CYP24A1: variants seen among roughly 807,000 people sequenced by gnomAD.
CYP24A1 encodes cytochrome P450 family 24 subfamily A member 1.
CYP24A1 carries 68 observed loss-of-function variants against 62.4 expected under a neutral mutation model. The observed-to-expected ratio is 1.09, with a 90% CI of 0.90 to 1.33. The LOEUF (loss-of-function observed/expected upper bound fraction) is 1.33, where lower values mean the gene tolerates loss of function less well. CYP24A1 is among the 40% of genes most tolerant of loss of function. The probability of loss-of-function intolerance (pLI) is 0.00; values close to 1 mark genes in which losing one functional copy is unlikely to be tolerated. For missense variants in CYP24A1, 787 were observed against 653.0 expected (o/e 1.21, Z -2.24); for synonymous variants, 267 against 253.0 (o/e 1.06, Z -0.52).
downstream of CYP24A1, among the ~76,000 whole-genome samples, chr20:54,151,998 T>C (rs1487782721): frequency 1.3e-5 from 2 of 152,146 alleles, no homozygotes; most frequent in Non-Finnish European, 2.9e-5. Flanking sequence ...CAATAAATAT[T>C]ATTATCATCA....
intron 3 of CYP24A1, among the ~76,000 whole-genome samples, chr20:54,171,124 T>G (rs1231695804): frequency 6.6e-6 from 1 of 152,168 alleles, no homozygotes; most frequent in African/African-American, 2.4e-5. Flanking sequence ...GCTTTCAGAC[T>G]CCTCCTGCAA....
intron 5 of CYP24A1, among the ~76,000 whole-genome samples, chr20:54,165,160 C>T (rs76151159): frequency 0.015 from 2,327 of 152,356 alleles, 24 homozygotes; most frequent in Admixed American, 0.02. Context: ...CTGTTAGGAA[C>T]GGGGCCGCGC....
At position 54,169,682 on chromosome 20, in the gene CYP24A1, C is replaced by T. The variant is rs748562543; in HGVS notation, c.550G>A (p.Ala184Thr). ...TCATCTATTCTGCCCATAAAATCGG[C>T]CAAGACCTTCAAAGAAAACAACCGC... ...KLDNKINEVLADFMGRIDELC... is the reference protein window; with the variant it reads ...KLDNKINEVLTDFMGRIDELC... Residue 184 changes from alanine (A) to threonine (T), a missense_variant, in exon 4 of 12, where the codon GCC (alanine) becomes ACC (threonine). Transcript: ENST00000216862. 3 of 1,614,054 alleles carry T rather than the reference C, an allele frequency of 1.9e-6. No individual in the cohort carries two copies. Among genetic ancestry groups the T allele is most frequent in the African/African-American group, 1.3e-5 (1 of 75,048 alleles).
intron 7 of CYP24A1, among the ~76,000 whole-genome samples, chr20:54,162,347 T>C (rs765719957): frequency 4.0e-5 from 6 of 150,244 alleles, no homozygotes; most frequent in Non-Finnish European, 7.4e-5. Flanking sequence ...TTCTGTATCT[T>C]GCCAGGGCAG....
chr20:54,149,328 C>A (rs1601115176), downstream of CYP24A1, among the ~76,000 whole-genome samples: 1 of 152,304 alleles, frequency 6.6e-6, no homozygotes, highest in East Asian at 1.9e-4. Context: ...GTAACACACG[C>A]TGCTCAGTGC....
In CYP24A1 at chr20:54,169,681, G is replaced by T; in HGVS notation, c.551C>A (p.Ala184Asp). 1.9e-6 allele frequency: 3 copies of T among 1,614,008 alleles called. No individual in the cohort carries two copies. Among genetic ancestry groups the T allele is most frequent in the Non-Finnish European group, 2.5e-6 (3 of 1,179,996 alleles). The change falls in exon 4 of 12, where the codon GCC becomes GAC. Residue 184 changes from alanine (A) to aspartate (D), a missense_variant. Ala to Asp is a moderately radical substitution (Grantham distance 126, BLOSUM62 -2). Transcript: ENST00000216862. ...KLDNKINEVL[A>D]DFMGRIDELC... ...CTCATCTATTCTGCCCATAAAATCG[G>T]CCAAGACCTTCAAAGAAAACAACCG...
Position 54,173,487 on chromosome 20 carries a change from C to T in CYP24A1, c.93G>A (p.Thr31=), listed in dbSNP as rs151204685. The T allele has an allele frequency of 2.8e-4, 432 of 1,566,414 alleles. No individual in the cohort carries two copies. The highest frequency in any genetic ancestry group is 3.5e-4 in the Non-Finnish European group (401 of 1,155,860). ...PRQPPRLVTS[T]AYTSPQPREV... Reference sequence around the variant, plus strand: ...CTCGCGGCTGAGGGGACGTGTACGCCGTAGATGTCACCAGTCTCGGGGGCT... The same window carrying T: ...CTCGCGGCTGAGGGGACGTGTACGCTGTAGATGTCACCAGTCTCGGGGGCT... Residue 31 remains threonine (T), a synonymous_variant, in exon 1 of 12, where the codon ACG becomes ACA. Coordinates refer to ENST00000216862, the MANE Select transcript of CYP24A1 (RefSeq NM_000782.5). This position sits in a 1 kb window ranked among gnomAD's most constrained non-coding sequence, Gnocchi z 7.2.
intron 4 of CYP24A1, among the ~76,000 whole-genome samples, chr20:54,166,987 C>T (rs1359177275): frequency 4.6e-5 from 7 of 151,794 alleles, no homozygotes; most frequent in African/African-American, 1.7e-4. Context: ...TGCAGTGGGC[C>T]GAGATCATAC....
intron 3 of CYP24A1, among the ~76,000 whole-genome samples, 177 bp from the exon 4 acceptor site, chr20:54,169,865 A>G (rs1019787906): frequency 6.6e-6 from 1 of 152,220 alleles, no homozygotes; most frequent in Non-Finnish European, 1.5e-5. Context: ...CTTATCCCCT[A>G]ATGACCTCGT....
chr20:54,161,920 C>G (rs1307705813), intron 7 of CYP24A1, among the ~76,000 whole-genome samples: 1 of 152,168 alleles, frequency 6.6e-6, no homozygotes, highest in African/African-American at 2.4e-5. Flanking sequence ...TGCTTAGAGA[C>G]TTTAAGGTGC....
the CYP24A1 span, among the ~76,000 whole-genome samples, chr20:54,148,256 T>C: frequency 6.6e-6 from 1 of 152,096 alleles, no homozygotes; most frequent in African/African-American, 2.4e-5. Flanking sequence ...AAAAGTTACA[T>C]GAACAGTACA....
chr20:54,146,199 G>A, the CYP24A1 span, among the ~76,000 whole-genome samples: 38 of 152,282 alleles, frequency 2.5e-4, no homozygotes, highest in African/African-American at 7.9e-4. Flanking sequence ...GTGCAAAAGC[G>A]ATTGTGGTTT....
chr20:54,151,650 A>G (rs59895069), downstream of CYP24A1, among the ~76,000 whole-genome samples: 50,145 of 151,672 alleles, frequency 0.33, 9,284 homozygotes, highest in East Asian at 0.59. Context: ...GGGTTCAAGC[A>G]ATTCTCCTGC....
At chr20:54,157,937 A>T in intron 9 of CYP24A1, 149 bp downstream of exon 9, 3 of 1,376,792 alleles carry the variant, frequency 2.2e-6, no homozygotes, top group Non-Finnish European at 2.9e-6. Flanking sequence ...TTCTAATTCT[A>T]TACTATGCAA....
the CYP24A1 span, among the ~76,000 whole-genome samples, chr20:54,144,077 C>T: frequency 5.9e-5 from 9 of 152,350 alleles, no homozygotes; most frequent in African/African-American, 2.2e-4. Flanking sequence ...CCAGCGCTGG[C>T]TCCATCGGTG....
chr20:54,150,808 C>T (rs2092611415), downstream of CYP24A1, among the ~76,000 whole-genome samples: 1 of 152,182 alleles, frequency 6.6e-6, no homozygotes, highest in Admixed American at 6.5e-5. Flanking sequence ...ATGTACGTAG[C>T]TCGGTGCTGA....
chr20:54,150,178 A>C (rs539017565), downstream of CYP24A1, among the ~76,000 whole-genome samples: 493 of 152,306 alleles, frequency 3.2e-3, 5 homozygotes, highest in African/African-American at 0.012. Context: ...TATACTTTAC[A>C]GATAATTGAA....
At chr20:54,172,515 G>A (rs1057197918) in intron 2 of CYP24A1, among the ~76,000 whole-genome samples, 8 of 152,186 alleles carry the variant, frequency 5.3e-5, no homozygotes, top group African/African-American at 1.9e-4. Context: ...TCGCTTTTGA[G>A]CTTACAAGGT....
intron 8 of CYP24A1, 93 bp from the exon 9 acceptor site, chr20:54,158,257 G>A: frequency 1.3e-6 from 2 of 1,579,016 alleles, no homozygotes; most frequent in Non-Finnish European, 8.6e-7. Flanking sequence ...AATAAATGCT[G>A]CCCAAGTGCA....
Sources: allele counts gnomAD v4.1 joint callset (sites outside exome capture counted in the v4.1 genomes callset), GRCh38; gene constraint gnomAD v4.1.1; non-coding constraint Gnocchi (gnomAD v3.1); transcripts MANE v1.5; gene names NCBI Gene and HGNC (gene_info 2026-07-23, HGNC 2026-07-21).